Variants in SPAG16 observed in about 807,000 individuals in gnomAD.
The protein encoded by SPAG16 is sperm associated antigen 16, also known as sperm-associated antigen 16 protein.
SPAG16 carries 86 observed loss-of-function variants against 80.4 expected under a neutral mutation model. The observed-to-expected ratio is 1.07, with a 90% CI of 0.90 to 1.28. The LOEUF (loss-of-function observed/expected upper bound fraction) is 1.28, where lower values mean the gene tolerates loss of function less well. SPAG16 is among the 50% of genes most tolerant of loss of function. The pLI, the probability that SPAG16 is intolerant of heterozygous loss-of-function variation, is 0.00. For missense variants in SPAG16, 870 were observed against 765.3 expected (o/e 1.14, Z -1.61); for synonymous variants, 294 against 265.9 (o/e 1.11, Z -1.03).
At chr2:213,327,795 G>T (rs1026946077) in intron 5 of SPAG16, among the ~76,000 whole-genome samples, 3 of 152,052 alleles carry the variant, frequency 2.0e-5, no homozygotes, top group Admixed American at 2.0e-4. Context: ...ACTCCTTATT[G>T]TAGGAAGATA....
intron 13 of SPAG16, among the ~76,000 whole-genome samples, chr2:214,044,913 G>A (rs1179048169): frequency 1.3e-5 from 2 of 152,178 alleles, no homozygotes; most frequent in Non-Finnish European, 2.9e-5. Context: ...CCTTAACACT[G>A]TGGGCGGAAG....
At chr2:214,103,560 G>A (rs2053201421) in intron 13 of SPAG16, among the ~76,000 whole-genome samples, 1 of 152,178 alleles carries the variant, frequency 6.6e-6, no homozygotes, top group African/African-American at 2.4e-5. Context: ...GAAGGATAAG[G>A]ACATGTGTAT....
At chr2:214,272,103 T>A (rs908166565) in intron 15 of SPAG16, among the ~76,000 whole-genome samples, 5 of 152,184 alleles carry the variant, frequency 3.3e-5, no homozygotes, top group Non-Finnish European at 7.3e-5. Flanking sequence ...TTTCAAAGTG[T>A]CATATCTGTG....
At chr2:213,526,252 T>G (rs114228942) in intron 10 of SPAG16, among the ~76,000 whole-genome samples, 2,703 of 152,320 alleles carry the variant, frequency 0.018, 65 homozygotes, top group African/African-American at 0.051. Context: ...AGTGTTCATA[T>G]AATACTCAAT....
At chr2:214,187,529 A>G (rs562983980) in intron 15 of SPAG16, among the ~76,000 whole-genome samples, 50 of 152,294 alleles carry the variant, frequency 3.3e-4, no homozygotes, top group African/African-American at 1.2e-3. Flanking sequence ...ACATTTTATT[A>G]GCAATTAAAC....
chr2:213,970,384 G>A (rs920679922), intron 12 of SPAG16, among the ~76,000 whole-genome samples: 2 of 151,536 alleles, frequency 1.3e-5, no homozygotes, highest in South Asian at 2.1e-4. Context: ...TTGCTGCAAC[G>A]TCTGCCTCCC....
intron 10 of SPAG16, among the ~76,000 whole-genome samples, chr2:213,583,875 G>A (rs949413508): frequency 5.3e-5 from 8 of 152,134 alleles, no homozygotes; most frequent in African/African-American, 1.7e-4. Context: ...TGTGAAGATT[G>A]ATGTTAAAAA....
At chr2:214,289,520 A>G (rs1693632640) in intron 15 of SPAG16, among the ~76,000 whole-genome samples, 2 of 152,186 alleles carry the variant, frequency 1.3e-5, no homozygotes, top group South Asian at 2.1e-4. Flanking sequence ...TAATGCCTTT[A>G]TCAAAAATAA....
At chr2:213,698,237 A>G (rs1257881792) in intron 10 of SPAG16, among the ~76,000 whole-genome samples, 1 of 151,760 alleles carries the variant, frequency 6.6e-6, no homozygotes, top group African/African-American at 2.4e-5. Flanking sequence ...TTCTTGGTGC[A>G]ATTTTTTAAA....
intron 9 of SPAG16, among the ~76,000 whole-genome samples, chr2:213,488,796 C>T (rs997820334): frequency 1.3e-5 from 2 of 151,948 alleles, no homozygotes; most frequent in Admixed American, 6.6e-5. Context: ...TATTATTTCA[C>T]GCCAGAGGCG....
intron 9 of SPAG16, among the ~76,000 whole-genome samples, chr2:213,381,272 G>C (rs1391223058): frequency 1.3e-5 from 2 of 152,178 alleles, no homozygotes; most frequent in Non-Finnish European, 2.9e-5. Context: ...TTTAGGGAAG[G>C]CTTGGAGGAA....
At chr2:213,528,984 A>G (rs758004404) in intron 10 of SPAG16, among the ~76,000 whole-genome samples, 3 of 152,170 alleles carry the variant, frequency 2.0e-5, no homozygotes, top group African/African-American at 7.2e-5. Flanking sequence ...TTTATGTAAC[A>G]TGATACTTGG....
intron 10 of SPAG16, among the ~76,000 whole-genome samples, chr2:213,647,576 G>T (rs1371330636): frequency 2.0e-5 from 3 of 150,062 alleles, no homozygotes; most frequent in African/African-American, 7.6e-5. Context: ...TCTTATTGAA[G>T]CCCCAGAAGG....
At chr2:213,474,260 T>C (rs2073254231) in intron 9 of SPAG16, among the ~76,000 whole-genome samples, 1 of 152,196 alleles carries the variant, frequency 6.6e-6, no homozygotes, top group African/African-American at 2.4e-5. Flanking sequence ...CATGCACTTT[T>C]TGTTGTAGGT....
At chr2:214,288,247 C>G (rs964182919) in intron 15 of SPAG16, among the ~76,000 whole-genome samples, 1 of 152,002 alleles carries the variant, frequency 6.6e-6, no homozygotes, top group African/African-American at 2.4e-5. Context: ...CTGCAAATGC[C>G]CTAATTTTAT....
In SPAG16 at chr2:213,904,615, AAAAAAAC is replaced by A. The variant is rs1156384624; in HGVS notation, c.1215-25341_1215-25335del. ...ATAAATTTTGCAAAAAAAAAAAAAA[AAAAAAAC>A]AAAGTAGGTAAAGGGCATAGTGTTA... is the stretch of plus-strand genomic sequence containing the variant. On this transcript the variant is annotated intron_variant, in intron 11 of 15. Transcript: ENST00000331683. Among the ~76,000 whole-genome samples the A allele has an allele frequency of 1.1e-4, 17 of 151,864 alleles. No homozygotes were observed. The East Asian group carries it at 1.4e-3, about 12-fold the overall frequency.
chr2:214,392,307 C>A (rs1479782529), intron 15 of SPAG16, among the ~76,000 whole-genome samples: 1 of 152,094 alleles, frequency 6.6e-6, no homozygotes, highest in African/African-American at 2.4e-5. Flanking sequence ...AGGCACCAGC[C>A]ACCACACCTG....
intron 15 of SPAG16, among the ~76,000 whole-genome samples, chr2:214,318,056 A>G (rs1695814575): frequency 6.6e-6 from 1 of 152,192 alleles, no homozygotes; most frequent in Non-Finnish European, 1.5e-5. Flanking sequence ...TACCAGGCAT[A>G]TGGTTCTTTT....
At chr2:214,360,740 T>C (rs1699131287) in intron 15 of SPAG16, among the ~76,000 whole-genome samples, 1 of 151,832 alleles carries the variant, frequency 6.6e-6, no homozygotes, top group Non-Finnish European at 1.5e-5. Flanking sequence ...TTGAATCTGC[T>C]GAAATAAACT....
Sources: allele counts gnomAD v4.1 joint callset (sites outside exome capture counted in the v4.1 genomes callset), GRCh38; gene constraint gnomAD v4.1.1; transcripts MANE v1.5; gene names NCBI Gene and HGNC (gene_info 2026-07-23, HGNC 2026-07-21).